TENM3: variants seen among roughly 807,000 people sequenced by gnomAD.
TENM3 encodes the protein teneurin transmembrane protein 3.
In TENM3, 63 loss-of-function variants were observed where a neutral mutation model predicts 255.1. The observed-to-expected ratio is 0.25, with a 90% CI of 0.20 to 0.30. The LOEUF (loss-of-function observed/expected upper bound fraction) is 0.30, where lower values mean the gene tolerates loss of function less well. Among genes scored for constraint, TENM3 ranks in the 10% least tolerant of loss-of-function variants. The pLI is 1.00. For synonymous variants in TENM3, 1,306 were observed against 1,322.3 expected, an observed-to-expected ratio of 0.99 and a Z score of 0.27; for missense variants, 2,929 against 3,461.1, an observed-to-expected ratio of 0.85 and a Z score of 3.86.
At chr4:182,674,446 A>G (rs545970620) in intron 7 of TENM3, among the ~76,000 whole-genome samples, 1 of 152,120 alleles carries the variant, frequency 6.6e-6, no homozygotes, top group South Asian at 2.1e-4. Context: ...CATTTTTCCT[A>G]TTTAATATTT....
the TENM3 span, among the ~76,000 whole-genome samples, chr4:181,827,211 G>A: frequency 0.94 from 142,961 of 152,218 alleles, 67,830 homozygotes; most frequent in East Asian, 1. Flanking sequence ...AACACCTATC[G>A]ATTAGTGCTA....
chr4:181,685,514 A>G, the TENM3 span, among the ~76,000 whole-genome samples: 1 of 152,214 alleles, frequency 6.6e-6, no homozygotes, highest in Non-Finnish European at 1.5e-5. Context: ...AGGCAGGTTT[A>G]CAATTTTATA....
chr4:182,183,560 A>T (rs1752964948), intron 1 of TENM3, among the ~76,000 whole-genome samples: 1 of 152,194 alleles, frequency 6.6e-6, no homozygotes, highest in Admixed American at 6.5e-5. Flanking sequence ...TTGGGGAAGG[A>T]TAATTTCCTT....
the TENM3 span, among the ~76,000 whole-genome samples, chr4:181,888,494 G>GTATATATATGTGTATA: frequency 4.2e-4 from 12 of 28,242 alleles, no homozygotes; most frequent in Admixed American, 1.5e-3. Flanking sequence ...ATAGAAATGT[G>GTATATATATGTGTATA]TATATATATA....
In TENM3 at chr4:182,743,132, TTCA is replaced by T. The variant is rs761001458; in HGVS notation, c.3380-33_3380-31del. 8.3e-6 allele frequency: 13 copies of T among 1,559,954 alleles called. No homozygotes were observed. In the African/African-American group the frequency reaches 1.6e-4, roughly 20 times the overall value. On this transcript the variant is annotated intron_variant, in intron 18 of 27. Coordinates refer to ENST00000511685, the MANE Select transcript of TENM3 (RefSeq NM_001080477.4). ...TGTTTGCTTTTCATCTTTACACTTT[TTCA>T]TCATAAGAAAAACAATGCACTTTAT... is the stretch of plus-strand genomic sequence containing the variant.
intron 6 of TENM3, among the ~76,000 whole-genome samples, chr4:182,654,493 T>C (rs575201733): frequency 6.6e-6 from 1 of 152,154 alleles, no homozygotes; most frequent in Admixed American, 6.5e-5. Flanking sequence ...ATATGTACAC[T>C]TACGTTACAA....
chr4:182,096,423 G>A, the TENM3 span, among the ~76,000 whole-genome samples: 1 of 151,886 alleles, frequency 6.6e-6, no homozygotes, highest in Non-Finnish European at 1.5e-5. Flanking sequence ...TTTCAAATAG[G>A]AGCCAAATCA....
rs1579344541 is a variant in TENM3, at chr4:182,752,043, T to C, written c.3862+11T>C. ...TCATGAGTCCCAAAGGTACCGGCAG[T>C]TGGCGATTTGAGGATTTCTTTTTAT... On this transcript the variant is annotated intron_variant, in intron 20 of 27. Transcript: ENST00000511685. 1 of 1,472,528 alleles carries C rather than the reference T, an allele frequency of 6.8e-7. No individual in the cohort carries two copies. The highest frequency in any genetic ancestry group is 1.4e-5 in the African/African-American group (1 of 69,162). The allele number at this position is 1,472,528 out of a possible 1,614,324, so 91.2% of individuals were successfully genotyped here.
At chr4:181,520,333 G>T in the TENM3 span, among the ~76,000 whole-genome samples, 3 of 152,108 alleles carry the variant, frequency 2.0e-5, no homozygotes, top group African/African-American at 7.2e-5. Flanking sequence ...TGGATTGATG[G>T]CCTGAATTTT....
chr4:182,129,411 C>T, the TENM3 span, among the ~76,000 whole-genome samples: 1 of 152,104 alleles, frequency 6.6e-6, no homozygotes, highest in African/African-American at 2.4e-5. Flanking sequence ...AGAATTCCTG[C>T]TTCCTGAATG....
chr4:182,602,970 T>C (rs1748042617), intron 4 of TENM3, among the ~76,000 whole-genome samples: 4 of 152,236 alleles, frequency 2.6e-5, no homozygotes, highest in Admixed American at 2.0e-4. Context: ...ATTTTAGTGA[T>C]GTTATAAAAC....
the TENM3 span, among the ~76,000 whole-genome samples, chr4:181,924,862 G>A: frequency 6.6e-6 from 1 of 152,166 alleles, no homozygotes; most frequent in African/African-American, 2.4e-5. Context: ...ACTTGAACAT[G>A]TCAAGGAGTT....
intron 22 of TENM3, among the ~76,000 whole-genome samples, chr4:182,769,432 A>G (rs1160562878): frequency 6.6e-6 from 1 of 151,882 alleles, no homozygotes. Flanking sequence ...CTGAAATGAA[A>G]AAAAAAAAAA....
the TENM3 span, among the ~76,000 whole-genome samples, chr4:181,972,387 A>G: frequency 6.7e-5 from 10 of 149,332 alleles, no homozygotes; most frequent in African/African-American, 2.5e-4. Context: ...TCAAGGTCAG[A>G]TCATGCCACT....
intron 12 of TENM3, among the ~76,000 whole-genome samples, chr4:182,708,675 G>T (rs1455708754): frequency 1.3e-5 from 2 of 152,098 alleles, no homozygotes; most frequent in South Asian, 2.1e-4. Flanking sequence ...GCGGGCGCCT[G>T]TAGTCCCAGC....
intron 24 of TENM3, among the ~76,000 whole-genome samples, chr4:182,775,629 C>T (rs192618114): frequency 1.2e-3 from 183 of 152,300 alleles, no homozygotes; most frequent in Admixed American, 2.5e-3. Context: ...CACAGGCCTC[C>T]TCTTGCTCAG....
At chr4:181,593,439 C>T in the TENM3 span, among the ~76,000 whole-genome samples, 1 of 152,060 alleles carries the variant, frequency 6.6e-6, no homozygotes, top group Non-Finnish European at 1.5e-5. Context: ...ACACTTGGTC[C>T]AAAATAGTTT....
At chr4:181,927,381 C>T in the TENM3 span, among the ~76,000 whole-genome samples, 1 of 152,206 alleles carries the variant, frequency 6.6e-6, no homozygotes, top group African/African-American at 2.4e-5. Context: ...GTGTTTTGCC[C>T]CTCACAGTGT....
chr4:182,605,588 T>G (rs2152421118), intron 4 of TENM3, among the ~76,000 whole-genome samples: 1 of 152,226 alleles, frequency 6.6e-6, no homozygotes, highest in East Asian at 1.9e-4. Flanking sequence ...CTTTTATAAC[T>G]TAGTATTTCT....
Sources: allele counts gnomAD v4.1 joint callset (sites outside exome capture counted in the v4.1 genomes callset), GRCh38; gene constraint gnomAD v4.1.1; transcripts MANE v1.5; gene names NCBI Gene and HGNC (gene_info 2026-07-23, HGNC 2026-07-21).